Variants in RFTN2 observed in about 807,000 individuals in gnomAD.
RFTN2 encodes raftlin-2.
RFTN2 carries 34 observed loss-of-function variants against 52.7 expected under a neutral mutation model. The observed-to-expected ratio is 0.64, with a 90% CI of 0.49 to 0.86. The LOEUF is 0.86. RFTN2 is among the 40% of genes least tolerant of loss of function. The pLI, the probability that RFTN2 is intolerant of heterozygous loss-of-function variation, is 0.00. For missense variants in RFTN2, 536 were observed against 600.1 expected (o/e 0.89, Z 1.12); for synonymous variants, 203 against 217.7 (o/e 0.93, Z 0.59).
chr2:197,674,994 T>C (rs1373717102), intron 1 of RFTN2, among the ~76,000 whole-genome samples: 2 of 152,184 alleles, frequency 1.3e-5, no homozygotes, highest in Non-Finnish European at 2.9e-5. Flanking sequence ...ATACAAACTG[T>C]CACTAAGGCT....
intron 1 of RFTN2, among the ~76,000 whole-genome samples, chr2:197,660,535 G>A (rs1429832349): frequency 6.6e-6 from 1 of 151,594 alleles, no homozygotes; most frequent in Admixed American, 6.6e-5. Flanking sequence ...ATGAAGTCAG[G>A]GTATCTGAGG....
At chr2:197,611,489 G>A (rs746296306) in intron 7 of RFTN2, among the ~76,000 whole-genome samples, 1 of 151,656 alleles carries the variant, frequency 6.6e-6, no homozygotes, top group Non-Finnish European at 1.5e-5. Context: ...GCGTCTATTT[G>A]ATTCTTCTCT....
chr2:197,638,044 C>T (rs1341544415), intron 3 of RFTN2, among the ~76,000 whole-genome samples: 4 of 150,468 alleles, frequency 2.7e-5, no homozygotes, highest in African/African-American at 7.3e-5. Flanking sequence ...TGTAGTTGAG[C>T]GGCTTTGAGT....
chr2:197,587,434 GA>G (rs2087619170), intron 8 of RFTN2, among the ~76,000 whole-genome samples: 2 of 152,120 alleles, frequency 1.3e-5, no homozygotes, highest in Non-Finnish European at 2.9e-5. Flanking sequence ...CAAAAGAAGT[GA>G]AAATGGCCAT....
intron 8 of RFTN2, chr2:197,588,121 G>A (rs932108832): frequency 2.4e-6 from 1 of 414,376 alleles, no homozygotes; most frequent in Non-Finnish European, 4.9e-6. Context: ...TATAGAAAAT[G>A]TGACAAAAAC....
At chr2:197,597,093 A>T (rs1231271996) in intron 7 of RFTN2, among the ~76,000 whole-genome samples, 1 of 152,078 alleles carries the variant, frequency 6.6e-6, no homozygotes, top group Admixed American at 6.6e-5. Flanking sequence ...CAACACTGAA[A>T]CTCTGGCTTT....
At chr2:197,641,322 AG>A (rs1320009699) in intron 3 of RFTN2, among the ~76,000 whole-genome samples, 29 of 152,226 alleles carry the variant, frequency 1.9e-4, no homozygotes, top group Admixed American at 1.9e-3. Context: ...CTGGTGAAAC[AG>A]CATTTGTTCC....
At chr2:197,638,728 A>C (rs1189436659) in intron 3 of RFTN2, among the ~76,000 whole-genome samples, 1 of 140,324 alleles carries the variant, frequency 7.1e-6, no homozygotes, top group Admixed American at 7.3e-5. Flanking sequence ...TGGAGCATTT[A>C]GTCCATTTAC....
chr2:197,618,863 T>G (rs2088200018), intron 5 of RFTN2, among the ~76,000 whole-genome samples: 1 of 149,088 alleles, frequency 6.7e-6, no homozygotes, highest in African/African-American at 2.5e-5. Context: ...CCGCCCCGTC[T>G]GAGAAGTGAG....
chr2:197,617,109 C>T (rs2088157708), intron 6 of RFTN2, among the ~76,000 whole-genome samples: 2 of 152,032 alleles, frequency 1.3e-5, no homozygotes, highest in African/African-American at 4.8e-5. Context: ...GATATTTTTG[C>T]CTTTGAAAGT....
At chr2:197,636,248 T>C (rs2088564373) in intron 3 of RFTN2, among the ~76,000 whole-genome samples, 1 of 147,752 alleles carries the variant, frequency 6.8e-6, no homozygotes, top group Non-Finnish European at 1.5e-5. Flanking sequence ...ATATGAACTT[T>C]AAAGTAGTTT....
In RFTN2 at chr2:197,586,615, C is replaced by T. The variant is rs2087602987; in HGVS notation, c.1233+9376G>A. On this transcript the variant is annotated intron_variant, in intron 8 of 8. Transcript: ENST00000295049. ...CTGACACGACAAAAAAGAGTTATTC[C>T]ACTAATTCCCTTGCTTGTCAGTTTA... Among the ~76,000 whole-genome samples, 4 of 152,190 alleles carry T rather than the reference C, an allele frequency of 2.6e-5. No individual in the cohort carries two copies. The South Asian group carries it at 8.3e-4, about 32-fold the overall frequency.
intron 8 of RFTN2, among the ~76,000 whole-genome samples, chr2:197,572,842 G>T (rs1388942238): frequency 6.6e-6 from 1 of 152,116 alleles, no homozygotes; most frequent in African/African-American, 2.4e-5. Flanking sequence ...AATCATGGGG[G>T]TGGGTCTTAT....
At chr2:197,598,251 T>G (rs190034816) in intron 7 of RFTN2, among the ~76,000 whole-genome samples, 1 of 152,202 alleles carries the variant, frequency 6.6e-6, no homozygotes, top group East Asian at 1.9e-4. Flanking sequence ...GCCCAGAGGT[T>G]GAGGGTGCAG....
At chr2:197,640,282 T>A (rs968055912) in intron 3 of RFTN2, among the ~76,000 whole-genome samples, 19 of 152,234 alleles carry the variant, frequency 1.2e-4, no homozygotes, top group African/African-American at 4.6e-4. Context: ...GCTTCCTGGC[T>A]GCTTTGTTTA....
chr2:197,634,777 G>T (rs561051411), intron 3 of RFTN2, among the ~76,000 whole-genome samples: 63 of 150,488 alleles, frequency 4.2e-4, no homozygotes, highest in Middle Eastern at 3.4e-3. Flanking sequence ...GGGTACATGT[G>T]CACATTGTGC....
At chr2:197,627,239 G>A (rs1343634275) in intron 5 of RFTN2, among the ~76,000 whole-genome samples, 3 of 152,266 alleles carry the variant, frequency 2.0e-5, no homozygotes, top group Non-Finnish European at 4.4e-5. Flanking sequence ...CTCCTCTCCA[G>A]CTGCCCAGTC....
At chr2:197,580,154 A>G (rs2087481613) in intron 8 of RFTN2, among the ~76,000 whole-genome samples, 2 of 151,980 alleles carry the variant, frequency 1.3e-5, no homozygotes, top group Admixed American at 6.6e-5. Context: ...TTATTACCCG[A>G]TCCGCTCCCG....
chr2:197,667,795 G>A (rs1360098737), intron 1 of RFTN2, among the ~76,000 whole-genome samples: 2 of 152,314 alleles, frequency 1.3e-5, no homozygotes, highest in South Asian at 4.1e-4. Context: ...GGGATGCCAG[G>A]TAGGCCAGTC....
Sources: allele counts gnomAD v4.1 joint callset (sites outside exome capture counted in the v4.1 genomes callset), GRCh38; gene constraint gnomAD v4.1.1; transcripts MANE v1.5; gene names NCBI Gene and HGNC (gene_info 2026-07-23, HGNC 2026-07-21).